POLK: variants seen among roughly 807,000 people sequenced by gnomAD.
POLK encodes the protein polymerase (DNA directed) kappa.
In POLK, 76 loss-of-function variants were observed where a neutral mutation model predicts 94.0. The observed-to-expected ratio is 0.81, with a 90% CI of 0.67 to 0.98. The LOEUF (loss-of-function observed/expected upper bound fraction) is 0.98, where lower values mean the gene tolerates loss of function less well. Ranked by LOEUF, POLK falls within the 50% of genes least tolerant of loss-of-function variation. The pLI is 0.00. For synonymous variants in POLK, 349 were observed against 325.4 expected, an observed-to-expected ratio of 1.07 and a Z score of -0.78; for missense variants, 954 against 1,010.1, an observed-to-expected ratio of 0.94 and a Z score of 0.75.
At chr5:75,518,524 T>C (rs577031014) in intron 1 of POLK, among the ~76,000 whole-genome samples, 3 of 152,160 alleles carry the variant, frequency 2.0e-5, no homozygotes, top group Non-Finnish European at 4.4e-5. Flanking sequence ...ATTTTCTTTC[T>C]TTTATTTGTC....
chr5:75,511,580 C>T (rs13176598), upstream of POLK: 61 of 1,461,720 alleles, frequency 4.2e-5, no homozygotes, highest in Non-Finnish European at 5.1e-5. Flanking sequence ...AGTCCCGCGT[C>T]CACTCACACC....
intron 11 of POLK, among the ~76,000 whole-genome samples, chr5:75,592,431 G>T (rs182826108): frequency 6.6e-6 from 1 of 152,088 alleles, no homozygotes; most frequent in African/African-American, 2.4e-5. Flanking sequence ...TTCAGTTGGG[G>T]GGCCAGGCAC....
Position 75,584,742 on chromosome 5 carries a change from ATATTGATTCTTTTC to A in POLK, c.1060-15_1060-2del, listed in dbSNP as rs1474121266. The A allele has an allele frequency of 1.5e-6, 2 of 1,369,322 alleles. No homozygotes were observed. The allele number at this position is 1,369,322 out of a possible 1,614,324, so 84.8% of individuals were successfully genotyped here. ...TCACTTTAAAATCTATTAATAATAA[ATATTGATTCTTTTC>A]TAGGTTTCTGGAATAGGAAAAGTTA... On this transcript the variant is annotated splice_polypyrimidine_tract_variant and splice_region_variant and intron_variant, in intron 8 of 14. Coordinates refer to ENST00000241436, the Ensembl canonical transcript of POLK.
At chr5:75,581,567 T>C (rs570760932) in intron 7 of POLK, 119 bp downstream of exon 7, 748 of 838,110 alleles carry the variant, frequency 8.9e-4, no homozygotes, top group Admixed American at 1.2e-3. Flanking sequence ...ACTTAGTCTT[T>C]CATTCAACTT....
At chr5:75,573,156 A>G (rs1264964870) in intron 4 of POLK, among the ~76,000 whole-genome samples, 1 of 152,150 alleles carries the variant, frequency 6.6e-6, no homozygotes, top group Non-Finnish European at 1.5e-5. Flanking sequence ...AATGTGGCAC[A>G]TATACACCAT....
At chr5:75,609,323 G>T in the POLK span, 2 of 151,896 alleles carry the variant, frequency 1.3e-5, no homozygotes, top group African/African-American at 4.8e-5. Context: ...GCACACAGTG[G>T]CACAATCTTG....
At chr5:75,538,256 T>C (rs1769553388) in intron 1 of POLK, among the ~76,000 whole-genome samples, 1 of 152,230 alleles carries the variant, frequency 6.6e-6, no homozygotes, top group Non-Finnish European at 1.5e-5. Context: ...TGCTATACCA[T>C]GTGCACATTT....
upstream of POLK, chr5:75,511,375 G>GCCGCCC: frequency 1.9e-6 from 3 of 1,547,020 alleles, no homozygotes; most frequent in Non-Finnish European, 2.6e-6. Flanking sequence ...CGCCGCCGCC[G>GCCGCCC]CGCCTGACAC....
chr5:75,597,854 A>G lies in POLK; in HGVS notation c.2528+65A>G. The G allele has an allele frequency of 4.3e-6, 5 of 1,166,946 alleles. No homozygotes were observed. The South Asian group carries it at 8.2e-5, about 19-fold the overall frequency. The allele number at this position is 1,166,946 out of a possible 1,614,324, so 72.3% of individuals were successfully genotyped here. ...TGAAAATTCAATTATTTTATAAATT[A>G]TTAAGTAATCAATATTAAAAATGAA... On this transcript the variant is annotated intron_variant, in intron 14 of 14. Transcript: ENST00000241436.
intron 1 of POLK, among the ~76,000 whole-genome samples, chr5:75,519,741 C>G (rs1768481856): frequency 6.6e-6 from 1 of 152,068 alleles, no homozygotes; most frequent in African/African-American, 2.4e-5. Context: ...TTTTTCCAGC[C>G]CTTCACTTAG....
intron 10 of POLK, 41 bp downstream of exon 10, chr5:75,587,099 G>T: frequency 8.8e-7 from 1 of 1,140,152 alleles, no homozygotes. Context: ...CATAATTCAT[G>T]TTATTTTAAA....
chr5:75,609,667 T>C, the POLK span: 18 of 152,264 alleles, frequency 1.2e-4, no homozygotes, highest in Non-Finnish European at 2.5e-4. Context: ...CTGATATTTC[T>C]GCATAATACT....
At chr5:75,541,183 C>T (rs1163043757) in intron 1 of POLK, among the ~76,000 whole-genome samples, 12 of 151,932 alleles carry the variant, frequency 7.9e-5, no homozygotes, top group African/African-American at 2.2e-4. Context: ...CCCAGCTACT[C>T]GGGAGGCTGA....
intron 1 of POLK, among the ~76,000 whole-genome samples, chr5:75,544,458 A>G (rs763292889): frequency 2.0e-5 from 3 of 152,156 alleles, no homozygotes; most frequent in Non-Finnish European, 4.4e-5. Flanking sequence ...CCTGGCTAAC[A>G]TGACGAAACC....
intron 3 of POLK, among the ~76,000 whole-genome samples, chr5:75,562,634 T>C (rs1771048407): frequency 6.6e-6 from 1 of 152,220 alleles, no homozygotes; most frequent in Non-Finnish European, 1.5e-5. Flanking sequence ...CAGTATGATA[T>C]TGGCTGTGGG....
chr5:75,554,036 T>A (rs768106045), intron 3 of POLK, among the ~76,000 whole-genome samples: 26 of 152,126 alleles, frequency 1.7e-4, no homozygotes, highest in Non-Finnish European at 1.8e-4. Context: ...ATCTCCTGGT[T>A]AAGGAAGAAA....
At chr5:75,568,370 C>T (rs1771395112) in intron 3 of POLK, among the ~76,000 whole-genome samples, 1 of 152,138 alleles carries the variant, frequency 6.6e-6, no homozygotes. Context: ...ATTACACAGC[C>T]ACCTCCAGCT....
At chr5:75,561,782 G>A (rs987579692) in intron 3 of POLK, among the ~76,000 whole-genome samples, 1 of 152,154 alleles carries the variant, frequency 6.6e-6, no homozygotes, top group African/African-American at 2.4e-5. Context: ...CCCATTGCTT[G>A]TTTTTGTCAG....
Position 75,547,078 on chromosome 5 carries a change from TG to T in POLK, c.59del (p.Gly20AspfsTer12). ...TACAAAGATGATCTTCTGCTTAGGA[TG>T]GGACTTAATGATAATAAAGCAGGAA... On this transcript the variant is annotated frameshift_variant, in exon 2 of 15. Transcript: ENST00000241436. LOFTEE classifies it high-confidence loss of function. 6.6e-7 allele frequency: 1 copy of T among 1,518,094 alleles called. No individual in the cohort carries two copies. The highest frequency in any genetic ancestry group is 9.1e-7 in the Non-Finnish European group (1 of 1,102,818). 94.0% of individuals were successfully genotyped at this position (1,518,094 alleles called of 1,614,324 possible).
Sources: gnomAD v4.1 joint callset for allele counts (sites outside exome capture counted in the v4.1 genomes callset) on GRCh38, gnomAD v4.1.1 for gene constraint, MANE v1.5 for transcripts, NCBI Gene and HGNC (gene_info 2026-07-23, HGNC 2026-07-21) for gene names.